SPARCL1: variants seen among roughly 807,000 people sequenced by gnomAD.
SPARCL1 encodes SPARC-like protein 1.
Under a neutral mutation model 67.1 loss-of-function variants are expected in SPARCL1, and 52 were observed. The observed-to-expected ratio is 0.78, with a 90% confidence interval of 0.62 to 0.98. The LOEUF is 0.98. Among genes scored for constraint, SPARCL1 ranks in the 50% least tolerant of loss-of-function variants. The pLI, the probability that SPARCL1 is intolerant of heterozygous loss-of-function variation, is 0.00. For missense variants in SPARCL1, 717 were observed against 782.4 expected (o/e 0.92, Z 1.00); for synonymous variants, 226 against 267.8 (o/e 0.84, Z 1.52).
At chr4:87,487,826 G>A (rs1007638899) in intron 7 of SPARCL1, among the ~76,000 whole-genome samples, 1 of 152,012 alleles carries the variant, frequency 6.6e-6, no homozygotes, top group East Asian at 1.9e-4. Context: ...TTGTCTTCAT[G>A]CTTTATTTCA....
chr4:87,477,307 C>T (rs1723621186), intron 10 of SPARCL1, among the ~76,000 whole-genome samples: 1 of 152,192 alleles, frequency 6.6e-6, no homozygotes. Context: ...CCTATCCCAG[C>T]TGAGTTTTCC....
chr4:87,485,943 G>T (rs962869944), intron 7 of SPARCL1, among the ~76,000 whole-genome samples: 2 of 151,768 alleles, frequency 1.3e-5, no homozygotes. Flanking sequence ...GTATCTATTT[G>T]ATTCTTCTCT....
intron 10 of SPARCL1, among the ~76,000 whole-genome samples, chr4:87,478,957 C>T (rs981965370): frequency 2.0e-5 from 3 of 152,086 alleles, no homozygotes; most frequent in Non-Finnish European, 2.9e-5. Context: ...AGGATTATCC[C>T]AGCACTAATT....
At chr4:87,508,372 T>A (rs1305472602) in intron 1 of SPARCL1, among the ~76,000 whole-genome samples, 1 of 151,936 alleles carries the variant, frequency 6.6e-6, no homozygotes, top group East Asian at 1.9e-4. Context: ...ATTAATTTTT[T>A]TTTTTTCTGT....
chr4:87,490,759 CT>C lies in SPARCL1; in HGVS notation c.1410del (p.Val471PhefsTer50). ...TAAAGACTATTTTGCAGAATACTTA[CT>C]TGATCAAGGGGTTTTGTTGGAGGAC... ...VTCPPTKPLD[Q>X]VCGTDNQTYA... On this transcript the variant is annotated frameshift_variant and splice_region_variant, in exon 6 of 11. Transcript: ENST00000282470. LOFTEE classifies it high-confidence loss of function. The C allele has an allele frequency of 6.3e-7, 1 of 1,582,342 alleles. No homozygotes were observed. Among genetic ancestry groups the C allele is most frequent in the Non-Finnish European group, 8.6e-7 (1 of 1,157,976 alleles).
intron 9 of SPARCL1, among the ~76,000 whole-genome samples, 153 bp downstream of exon 9, chr4:87,480,219 C>A (rs1246155822): frequency 6.6e-6 from 1 of 152,084 alleles, no homozygotes; most frequent in Admixed American, 6.6e-5. Context: ...TCATACACAG[C>A]AGCTTTGTGT....
chr4:87,510,558 T>A lies in SPARCL1; in HGVS notation c.-11-10973A>T, dbSNP rs371040097. Among the ~76,000 whole-genome samples the A allele has an allele frequency of 3.8e-4, 58 of 152,132 alleles. 2 individuals are homozygous for A. The East Asian group carries it at 0.011, about 29-fold the overall frequency. On this transcript the variant is annotated intron_variant, in intron 1 of 10. Coordinates refer to ENST00000282470, the MANE Select transcript of SPARCL1 (RefSeq NM_004684.6). Reference sequence around the variant, plus strand: ...GAAGCGCCTGGACATAGGAGAGAGGTGGCTTGACTTCAGAGGAGAGGGATC... The same window carrying A: ...GAAGCGCCTGGACATAGGAGAGAGGAGGCTTGACTTCAGAGGAGAGGGATC...
intron 10 of SPARCL1, among the ~76,000 whole-genome samples, chr4:87,477,076 C>T (rs1319720666): frequency 6.6e-6 from 1 of 152,200 alleles, no homozygotes; most frequent in Non-Finnish European, 1.5e-5. Flanking sequence ...AGATCATTAG[C>T]AGCTTTGTAA....
intron 9 of SPARCL1, among the ~76,000 whole-genome samples, chr4:87,479,862 A>G (rs1723736323): frequency 6.6e-6 from 1 of 152,110 alleles, no homozygotes; most frequent in South Asian, 2.1e-4. Context: ...GTTCTCATCT[A>G]CTGGCCATAC....
At chr4:87,506,627 A>G (rs1725083623) in intron 1 of SPARCL1, among the ~76,000 whole-genome samples, 2 of 152,170 alleles carry the variant, frequency 1.3e-5, no homozygotes, top group Non-Finnish European at 2.9e-5. Flanking sequence ...TCAGACTTGG[A>G]CTAGAACTCA....
At chr4:87,483,832 C>T (rs1021889829) in intron 7 of SPARCL1, among the ~76,000 whole-genome samples, 4 of 152,096 alleles carry the variant, frequency 2.6e-5, no homozygotes, top group African/African-American at 4.8e-5. Context: ...TCTCTAATGA[C>T]GAGTGATTAT....
Position 87,499,524 on chromosome 4 carries a change from G to T in SPARCL1, c.51C>A (p.Ile17=). 6.2e-7 allele frequency: 1 copy of T among 1,603,484 alleles called. No individual in the cohort carries two copies. The highest frequency in any genetic ancestry group is 8.5e-7 in the Non-Finnish European group (1 of 1,176,646). Residue 17 remains isoleucine, a synonymous_variant, in exon 2 of 11, where the codon ATC becomes ATA. Coordinates refer to ENST00000282470, the MANE Select transcript of SPARCL1 (RefSeq NM_004684.6). ...FLCLLGTAAA[I]PTNARLLSDH... ...TAACAGAAGAAAGGAAATTTACCGG[G>T]ATTGCAGCTGCAGTTCCCAAGAGAC...
At chr4:87,521,413 A>T (rs563988503) in intron 1 of SPARCL1, among the ~76,000 whole-genome samples, 8 of 152,230 alleles carry the variant, frequency 5.3e-5, no homozygotes, top group African/African-American at 1.7e-4. Context: ...GAGGAACAGG[A>T]TTCCTCTTTC....
At chr4:87,476,341 A>G (rs772127838) in intron 10 of SPARCL1, among the ~76,000 whole-genome samples, 3 of 152,148 alleles carry the variant, frequency 2.0e-5, no homozygotes, top group Non-Finnish European at 4.4e-5. Flanking sequence ...ATCTTAAAAT[A>G]TATCTTGAAT....
intron 7 of SPARCL1, among the ~76,000 whole-genome samples, chr4:87,487,905 T>G (rs1221274809): frequency 3.3e-5 from 5 of 152,224 alleles, no homozygotes; most frequent in Admixed American, 3.3e-4. Flanking sequence ...TACTTGTGTA[T>G]GCTTCACGAA....
chr4:87,490,225 C>T lies in SPARCL1; in HGVS notation c.1531+48G>A, dbSNP rs181488749. Reference sequence around the variant, plus strand: ...ATAATTCAGGCATGTCCAGATTCACCCCAAGCCCTCTCAGAGATGATGGTT... The same window carrying T: ...ATAATTCAGGCATGTCCAGATTCACTCCAAGCCCTCTCAGAGATGATGGTT... On this transcript the variant is annotated intron_variant, in intron 7 of 10. Coordinates refer to ENST00000282470, the MANE Select transcript of SPARCL1 (RefSeq NM_004684.6). 5.1e-6 allele frequency: 8 copies of T among 1,564,642 alleles called. No homozygotes were observed. The African/African-American group carries it at 9.6e-5, about 19-fold the overall frequency.
At position 87,523,225 on chromosome 4, in the gene SPARCL1, C is replaced by T. The variant is rs1725898051; in HGVS notation, c.-12+5820G>A. 7.3e-5 allele frequency among the ~76,000 whole-genome samples: 11 copies of T among 150,310 alleles called. No individual in the cohort carries two copies. In the South Asian group the frequency reaches 2.3e-3, roughly 32 times the overall value. On this transcript the variant is annotated intron_variant, in intron 1 of 10. Transcript: ENST00000282470. ...GCAGGGACCCAAGGTCACACCACTGCACTCCAGCCTGGGTGACAGAATGAG... is the reference window on the plus strand; with the variant it reads ...GCAGGGACCCAAGGTCACACCACTGTACTCCAGCCTGGGTGACAGAATGAG...
intron 1 of SPARCL1, among the ~76,000 whole-genome samples, chr4:87,518,906 C>A (rs1578116695): frequency 6.6e-6 from 1 of 152,118 alleles, no homozygotes. Flanking sequence ...TTGGGAGGAT[C>A]CACTGAACTA....
At chr4:87,517,770 T>C (rs1725643584) in intron 1 of SPARCL1, among the ~76,000 whole-genome samples, 1 of 152,216 alleles carries the variant, frequency 6.6e-6, no homozygotes, top group Non-Finnish European at 1.5e-5. Flanking sequence ...TTCAAGTGCT[T>C]TCAGCTCTGT....
Sources: allele counts gnomAD v4.1 joint callset (sites outside exome capture counted in the v4.1 genomes callset), GRCh38; gene constraint gnomAD v4.1.1; transcripts MANE v1.5; gene names NCBI Gene and HGNC (gene_info 2026-07-23, HGNC 2026-07-21).